The following ARB2A variants were observed in gnomAD, a reference collection of about 807,000 sequenced individuals.
The protein encoded by ARB2A is ARB2 cotranscriptional regulator A, also known as cotranscriptional regulator ARB2A.
chr5:93,681,750 C>A, the ARB2A span, among the ~76,000 whole-genome samples: 2 of 152,096 alleles, frequency 1.3e-5, no homozygotes, highest in Non-Finnish European at 2.9e-5. Context: ...TTAGAATATT[C>A]TTTTGTACTT....
the ARB2A span, among the ~76,000 whole-genome samples, chr5:94,063,164 G>A: frequency 1.3e-5 from 2 of 152,110 alleles, no homozygotes; most frequent in Admixed American, 1.3e-4. Context: ...ACAGGTGGTG[G>A]GAAGAGGGCA....
the ARB2A span, among the ~76,000 whole-genome samples, chr5:93,744,040 AT>A: frequency 1.3e-5 from 2 of 152,214 alleles, no homozygotes; most frequent in Non-Finnish European, 2.9e-5. Flanking sequence ...GAATGAAAAT[AT>A]TTTTAATGAA....
chr5:93,627,443 G>GTTTT, the ARB2A span, among the ~76,000 whole-genome samples: 1 of 130,526 alleles, frequency 7.7e-6, no homozygotes. Context: ...AATGTGTTTT[G>GTTTT]TTTTTTTTTT....
chr5:94,014,516 G>A, the ARB2A span, among the ~76,000 whole-genome samples: 1 of 152,060 alleles, frequency 6.6e-6, no homozygotes, highest in African/African-American at 2.4e-5. Flanking sequence ...CAGCAAACAG[G>A]GAACCATAAC....
At chr5:93,986,335 C>T in the ARB2A span, among the ~76,000 whole-genome samples, 1 of 151,668 alleles carries the variant, frequency 6.6e-6, no homozygotes, top group African/African-American at 2.4e-5. Flanking sequence ...GGGGGCGCCC[C>T]CGCCCGGCAG....
chr5:93,890,725 G>T, the ARB2A span, among the ~76,000 whole-genome samples: 1 of 151,980 alleles, frequency 6.6e-6, no homozygotes, highest in South Asian at 2.1e-4. Context: ...TTCCAGCCCT[G>T]GCTTAGATCA....
At chr5:93,833,393 T>TA in the ARB2A span, among the ~76,000 whole-genome samples, 3 of 152,200 alleles carry the variant, frequency 2.0e-5, no homozygotes, top group Non-Finnish European at 4.4e-5. Context: ...TGGTCAAAGA[T>TA]ATTCATCACT....
At chr5:94,004,689 G>A in the ARB2A span, among the ~76,000 whole-genome samples, 16 of 151,962 alleles carry the variant, frequency 1.1e-4, no homozygotes, top group African/African-American at 3.9e-4. Context: ...ATTCCTGGTA[G>A]TTATGGTCTA....
chr5:93,707,689 C>T, the ARB2A span, among the ~76,000 whole-genome samples: 1 of 151,608 alleles, frequency 6.6e-6, no homozygotes, highest in Non-Finnish European at 1.5e-5. Flanking sequence ...ATTCTCCTGC[C>T]TCAGCCTCCC....
At chr5:93,929,150 A>G in the ARB2A span, among the ~76,000 whole-genome samples, 1 of 152,102 alleles carries the variant, frequency 6.6e-6, no homozygotes, top group Non-Finnish European at 1.5e-5. Context: ...ACTCCCAAAC[A>G]CTGTAAAATA....
chr5:93,884,669 A>C, the ARB2A span, among the ~76,000 whole-genome samples: 3 of 151,792 alleles, frequency 2.0e-5, no homozygotes, highest in African/African-American at 7.2e-5. Flanking sequence ...GACAACAATC[A>C]AGAAATACTC....
the ARB2A span, among the ~76,000 whole-genome samples, chr5:93,873,185 G>A: frequency 6.6e-6 from 1 of 151,814 alleles, no homozygotes. Flanking sequence ...CCAGCTACTT[G>A]GAAGGCTGAG....
the ARB2A span, among the ~76,000 whole-genome samples, chr5:93,880,821 C>T: frequency 1.3e-5 from 2 of 151,580 alleles, no homozygotes; most frequent in Non-Finnish European, 1.5e-5. Flanking sequence ...TGTAAAAGTT[C>T]GCTGGGTAGG....
the ARB2A span, among the ~76,000 whole-genome samples, chr5:93,854,334 G>A: frequency 6.6e-6 from 1 of 151,970 alleles, no homozygotes. Context: ...GCACCTATTT[G>A]AGTCTTCTCT....
chr5:93,819,077 A>T, the ARB2A span, among the ~76,000 whole-genome samples: 1 of 150,586 alleles, frequency 6.6e-6, no homozygotes, highest in Non-Finnish European at 1.5e-5. Flanking sequence ...TCCCAGCTAC[A>T]CAGGAGGCTG....
chr5:94,054,806 T>C, the ARB2A span, among the ~76,000 whole-genome samples: 1 of 152,208 alleles, frequency 6.6e-6, no homozygotes, highest in African/African-American at 2.4e-5. Context: ...CAATCACTTA[T>C]TTATATCAGT....
the ARB2A span, among the ~76,000 whole-genome samples, chr5:94,008,023 T>G: frequency 6.6e-6 from 1 of 152,172 alleles, no homozygotes; most frequent in South Asian, 2.1e-4. Context: ...TGTACTTTCT[T>G]TTTTAAAATA....
chr5:93,953,829 C>T, the ARB2A span, among the ~76,000 whole-genome samples: 1 of 152,108 alleles, frequency 6.6e-6, no homozygotes, highest in Admixed American at 6.5e-5. Flanking sequence ...TGTGGCTAAG[C>T]ACCCGAGACA....
At chr5:93,980,210 A>C in the ARB2A span, among the ~76,000 whole-genome samples, 1 of 152,110 alleles carries the variant, frequency 6.6e-6, no homozygotes, top group African/African-American at 2.4e-5. Context: ...CTTTGTCTGA[A>C]AATATATGTA....
Sources: gnomAD v4.1 joint callset for allele counts (sites outside exome capture counted in the v4.1 genomes callset) on GRCh38, gnomAD v4.1.1 for gene constraint, MANE v1.5 for transcripts, NCBI Gene and HGNC (gene_info 2026-07-23, HGNC 2026-07-21) for gene names.